Variants in MAGI1 observed in about 807,000 individuals in gnomAD.
MAGI1 encodes membrane associated guanylate kinase, WW and PDZ domain containing 1.
Under a neutral mutation model 139.9 loss-of-function variants are expected in MAGI1, and 58 were observed. The observed-to-expected ratio is 0.41, with a 90% CI of 0.34 to 0.52. The LOEUF (loss-of-function observed/expected upper bound fraction) is 0.52. Among genes scored for constraint, MAGI1 ranks in the 20% least tolerant of loss-of-function variants. The pLI is 0.12. For missense variants in MAGI1, 1,874 were observed against 1,901.6 expected (o/e 0.99, Z 0.27); for synonymous variants, 812 against 737.9 (o/e 1.10, Z -1.63).
At chr3:65,893,971 T>C (rs1360611754) in intron 1 of MAGI1, 1 of 152,202 alleles carries the variant, frequency 6.6e-6, no homozygotes, top group Non-Finnish European at 1.5e-5. Context: ...TTTGGCTCCT[T>C]GAGCTCCCCT....
intron 1 of MAGI1, among the ~76,000 whole-genome samples, chr3:65,769,371 C>T (rs1407276282): frequency 6.6e-6 from 1 of 152,110 alleles, no homozygotes; most frequent in Non-Finnish European, 1.5e-5. Flanking sequence ...TACCTGTAGT[C>T]CCACCTATTC....
intron 2 of MAGI1, among the ~76,000 whole-genome samples, chr3:65,579,847 C>CAAA (rs11398879): frequency 2.3e-4 from 28 of 122,930 alleles, no homozygotes; most frequent in African/African-American, 4.8e-4. Context: ...AACTCCATCT[C>CAAA]AAAAAAAAAA....
chr3:65,622,960 C>A (rs977962816), intron 1 of MAGI1, among the ~76,000 whole-genome samples: 1 of 152,160 alleles, frequency 6.6e-6, no homozygotes, highest in African/African-American at 2.4e-5. Flanking sequence ...ATCCATATAA[C>A]AACTACTTTG....
chr3:65,611,145 T>C (rs2083071533), intron 2 of MAGI1, among the ~76,000 whole-genome samples: 1 of 140,382 alleles, frequency 7.1e-6, no homozygotes, highest in African/African-American at 2.6e-5. Flanking sequence ...AAATAGTATA[T>C]AGTATATATA....
intron 1 of MAGI1, among the ~76,000 whole-genome samples, chr3:65,625,441 T>G (rs1056895094): frequency 2.4e-4 from 36 of 152,164 alleles, no homozygotes; most frequent in African/African-American, 8.7e-4. Context: ...ACGTGCCTAC[T>G]TCTGAATCCT....
rs933961047 is a variant in MAGI1 at position 65,687,745 on chromosome 3, G to C, written c.314-65657C>G. ...AGTCGGGGGAAGCCTGAGAGCACAG[G>C]ATCCTTCTGAAGTTTTGACCATGCC... On this transcript the variant is annotated intron_variant, in intron 1 of 22. Coordinates refer to ENST00000402939, the MANE Select transcript of MAGI1 (RefSeq NM_001033057.2). 22 of 550,880 alleles carry C rather than the reference G, an allele frequency of 4.0e-5. No individual in the cohort carries two copies. In the Admixed American group the frequency reaches 4.0e-4, roughly 10 times the overall value. The allele number at this position is 550,880 out of a possible 1,614,324, so 34.1% of individuals were successfully genotyped here.
At chr3:65,440,841 A>ATATACATATGTATACATATATATG (rs1948251168) in intron 8 of MAGI1, among the ~76,000 whole-genome samples, 1 of 141,784 alleles carries the variant, frequency 7.1e-6, no homozygotes, top group Admixed American at 6.9e-5. Context: ...ACATATACAT[A>ATATACATATGTATACATATATATG]TATACATATG....
At chr3:65,796,791 A>T (rs2040178267) in intron 1 of MAGI1, among the ~76,000 whole-genome samples, 1 of 152,156 alleles carries the variant, frequency 6.6e-6, no homozygotes, top group Non-Finnish European at 1.5e-5. Flanking sequence ...CTAACCTCTC[A>T]ATTCTGTTGC....
chr3:65,445,380 A>G (rs1185052444), intron 7 of MAGI1, among the ~76,000 whole-genome samples: 2 of 152,198 alleles, frequency 1.3e-5, no homozygotes, highest in African/African-American at 2.4e-5. Context: ...GGAAAGCACA[A>G]AAGGAATAGG....
chr3:65,712,608 T>A (rs751182506), intron 1 of MAGI1, among the ~76,000 whole-genome samples: 1 of 152,114 alleles, frequency 6.6e-6, no homozygotes, highest in Non-Finnish European at 1.5e-5. Flanking sequence ...TGCCCCCAAG[T>A]TGAAACAAGT....
At chr3:65,728,314 G>T (rs1336825735) in intron 1 of MAGI1, among the ~76,000 whole-genome samples, 1 of 152,154 alleles carries the variant, frequency 6.6e-6, no homozygotes, top group Non-Finnish European at 1.5e-5. Flanking sequence ...AGGCGCAGAA[G>T]GTGGCCTAAG....
chr3:66,003,935 C>T (rs919958912), intron 1 of MAGI1: 4 of 152,150 alleles, frequency 2.6e-5, no homozygotes, highest in African/African-American at 9.7e-5. Flanking sequence ...TGCACTCAGA[C>T]AAGCTGTTTA....
chr3:65,719,367 C>T (rs2032718430), intron 1 of MAGI1, among the ~76,000 whole-genome samples: 1 of 151,004 alleles, frequency 6.6e-6, no homozygotes, highest in Non-Finnish European at 1.5e-5. Flanking sequence ...GGATATTATA[C>T]AATGTTTAAT....
At chr3:65,931,365 T>C (rs538744744) in intron 1 of MAGI1, among the ~76,000 whole-genome samples, 103 of 152,260 alleles carry the variant, frequency 6.8e-4, no homozygotes, top group African/African-American at 2.2e-3. Context: ...ATCCTTTCAC[T>C]TTGTGGATTT....
Position 65,429,748 on chromosome 3 carries a change from C to A in MAGI1, c.1939G>T (p.Val647Phe). 9.3e-6 allele frequency: 15 copies of A among 1,613,916 alleles called. No individual in the cohort carries two copies. The highest frequency in any genetic ancestry group is 1.3e-5 in the Non-Finnish European group (15 of 1,179,958). Reference protein sequence around the residue: ...TQPELITVHIVKGPMGFGFTI... With the variant: ...TQPELITVHIFKGPMGFGFTI... ...AAACCAAAGCCCATTGGCCCTTTGA[C>A]AATATGAACAGTTATGAGTTCTGGC... The change falls in exon 12 of 23, where the codon GTC becomes TTC. Residue 647 changes from valine (V) to phenylalanine (F), a missense_variant. Transcript: ENST00000402939.
chr3:65,407,237 A>G (rs1945411145), intron 12 of MAGI1, among the ~76,000 whole-genome samples: 1 of 152,092 alleles, frequency 6.6e-6, no homozygotes. Context: ...ACCTGAGGTC[A>G]AGAGTTTGAG....
At chr3:65,715,923 T>C (rs778508225) in intron 1 of MAGI1, among the ~76,000 whole-genome samples, 1 of 152,196 alleles carries the variant, frequency 6.6e-6, no homozygotes, top group Non-Finnish European at 1.5e-5. Flanking sequence ...CACATCTCAG[T>C]TGAGATGTTC....
chr3:65,630,249 T>C (rs1366688402), intron 1 of MAGI1, among the ~76,000 whole-genome samples: 3 of 152,164 alleles, frequency 2.0e-5, no homozygotes, highest in African/African-American at 7.2e-5. Flanking sequence ...GCAGGGTATA[T>C]GCCTGCTTTA....
intron 1 of MAGI1, among the ~76,000 whole-genome samples, chr3:65,921,811 A>G (rs116358021): frequency 0.013 from 1,970 of 151,880 alleles, 24 homozygotes; most frequent in Non-Finnish European, 0.021. Context: ...AAAATCAGGA[A>G]AGAAAGTTAG....
Sources: allele counts gnomAD v4.1 joint callset (sites outside exome capture counted in the v4.1 genomes callset), GRCh38; gene constraint gnomAD v4.1.1; transcripts MANE v1.5; gene names NCBI Gene and HGNC (gene_info 2026-07-23, HGNC 2026-07-21).